The following PDLIM5 variants were observed in gnomAD, a reference collection of about 807,000 sequenced individuals.
The protein encoded by PDLIM5 is PDZ and LIM domain 5.
In PDLIM5, 34 loss-of-function variants were observed where a neutral mutation model predicts 64.2. The observed-to-expected ratio is 0.53, with a 90% CI of 0.40 to 0.71. The LOEUF (loss-of-function observed/expected upper bound fraction) is 0.71. Among genes scored for constraint, PDLIM5 ranks in the 30% least tolerant of loss-of-function variants. PDLIM5 has a pLI of 0.00. For synonymous variants in PDLIM5, 253 were observed against 269.1 expected, an observed-to-expected ratio of 0.94 and a Z score of 0.59; for missense variants, 683 against 733.6, an observed-to-expected ratio of 0.93 and a Z score of 0.80.
chr4:94,622,084 A>C (rs190194782), intron 8 of PDLIM5, among the ~76,000 whole-genome samples: 4 of 152,320 alleles, frequency 2.6e-5, no homozygotes, highest in Non-Finnish European at 5.9e-5. Flanking sequence ...AAAAATAAAA[A>C]CAAAATTCCC....
At chr4:94,628,461 T>C (rs1245220742) in intron 8 of PDLIM5, among the ~76,000 whole-genome samples, 5 of 152,200 alleles carry the variant, frequency 3.3e-5, no homozygotes, top group African/African-American at 1.2e-4. Context: ...AATTTTACAA[T>C]AACTTGTATT....
chr4:94,515,238 G>A (rs1729259783), intron 2 of PDLIM5, among the ~76,000 whole-genome samples: 1 of 152,132 alleles, frequency 6.6e-6, no homozygotes, highest in African/African-American at 2.4e-5. Context: ...GAGAGAAAGA[G>A]CCTTGCCTCT....
chr4:94,486,567 AGT>A (rs993539545), intron 2 of PDLIM5, among the ~76,000 whole-genome samples: 14 of 152,272 alleles, frequency 9.2e-5, no homozygotes, highest in African/African-American at 3.4e-4. Flanking sequence ...GACTCCTTGC[AGT>A]GCGGTCTAAG....
intron 2 of PDLIM5, among the ~76,000 whole-genome samples, chr4:94,510,342 T>C (rs1315130880): frequency 6.6e-6 from 1 of 152,196 alleles, no homozygotes; most frequent in Non-Finnish European, 1.5e-5. Context: ...AAGATCTGTG[T>C]AAATATTTGC....
At chr4:94,606,608 C>CACT (rs1737945480) in intron 7 of PDLIM5, among the ~76,000 whole-genome samples, 5 of 152,028 alleles carry the variant, frequency 3.3e-5, no homozygotes, top group Admixed American at 2.6e-4. Context: ...CCAAGATCAC[C>CACT]TAGAGCAGGG....
chr4:94,648,757 T>C (rs965568816), intron 9 of PDLIM5, among the ~76,000 whole-genome samples: 3 of 152,144 alleles, frequency 2.0e-5, no homozygotes, highest in Admixed American at 6.5e-5. Context: ...CAAATTCAGT[T>C]CCTTGCAGCT....
chr4:94,589,487 G>A (rs4634230), intron 7 of PDLIM5, among the ~76,000 whole-genome samples: 78,466 of 152,020 alleles, frequency 0.52, 20,630 homozygotes, highest in African/African-American at 0.57. Flanking sequence ...GACCCTGTCA[G>A]AAGATGAATT....
chr4:94,452,375 G>A (rs1722933549), intron 1 of PDLIM5, among the ~76,000 whole-genome samples: 1 of 152,174 alleles, frequency 6.6e-6, no homozygotes, highest in South Asian at 2.1e-4. Flanking sequence ...GGCGTCGCCC[G>A]GCACCACCGT....
chr4:94,580,913 G>A (rs540179666), intron 5 of PDLIM5, among the ~76,000 whole-genome samples: 1 of 152,214 alleles, frequency 6.6e-6, no homozygotes, highest in South Asian at 2.1e-4. Context: ...ATCAATTGAT[G>A]TGCATATATT....
At chr4:94,640,910 G>A (rs779136775) in intron 9 of PDLIM5, among the ~76,000 whole-genome samples, 1 of 152,150 alleles carries the variant, frequency 6.6e-6, no homozygotes, top group Non-Finnish European at 1.5e-5. Flanking sequence ...AGCACTGAAA[G>A]GTACCTTCAG....
chr4:94,533,037 C>T (rs1731032403), intron 3 of PDLIM5, among the ~76,000 whole-genome samples: 2 of 152,122 alleles, frequency 1.3e-5, no homozygotes, highest in South Asian at 4.1e-4. Context: ...ACTGTTTCGT[C>T]AACATCACGC....
chr4:94,524,845 G>C lies in PDLIM5; in HGVS notation c.248+970G>C, dbSNP rs144959894. On this transcript the variant is annotated intron_variant, in intron 3 of 12. Coordinates refer to ENST00000317968, the MANE Select transcript of PDLIM5 (RefSeq NM_006457.5). ...TTATGACTTACAAAGTTTGATCACT[G>C]TAGTATCCTGGGCTGAAGGCAAGGG... Among the ~76,000 whole-genome samples, 867 of 152,236 alleles carry C rather than the reference G, an allele frequency of 5.7e-3. 6 individuals are homozygous for C. Among genetic ancestry groups the C allele is most frequent in the African/African-American group, 0.019 (803 of 41,536 alleles).
intron 2 of PDLIM5, among the ~76,000 whole-genome samples, chr4:94,509,905 C>T (rs1728718262): frequency 6.6e-6 from 1 of 152,150 alleles, no homozygotes; most frequent in Admixed American, 6.5e-5. Flanking sequence ...AAATGTTAAT[C>T]TCCTTTGTCA....
intron 8 of PDLIM5, among the ~76,000 whole-genome samples, chr4:94,639,326 T>C (rs1408404921): frequency 6.6e-6 from 1 of 152,080 alleles, no homozygotes; most frequent in Admixed American, 6.5e-5. Flanking sequence ...AGGGGTCAAA[T>C]AGGGAGATCC....
chr4:94,473,614 A>G (rs1725071431), intron 2 of PDLIM5, among the ~76,000 whole-genome samples: 1 of 152,220 alleles, frequency 6.6e-6, no homozygotes, highest in Admixed American at 6.5e-5. Flanking sequence ...ATCCTGTGCT[A>G]TGGTTTGTTG....
intron 8 of PDLIM5, among the ~76,000 whole-genome samples, chr4:94,620,574 A>G (rs545085340): frequency 6.6e-6 from 1 of 152,160 alleles, no homozygotes; most frequent in South Asian, 2.1e-4. Context: ...TTCTTTTAAG[A>G]ATATTTTTGA....
At chr4:94,654,677 T>TA in intron 10 of PDLIM5, 37 bp downstream of exon 10, 2 of 1,314,024 alleles carry the variant, frequency 1.5e-6, no homozygotes, top group Non-Finnish European at 2.1e-6. Flanking sequence ...GAATGAGTTT[T>TA]AAAGTAGAAT....
intron 3 of PDLIM5, among the ~76,000 whole-genome samples, chr4:94,559,975 A>T (rs1371272205): frequency 6.6e-6 from 1 of 152,114 alleles, no homozygotes; most frequent in Non-Finnish European, 1.5e-5. Flanking sequence ...CTTTGTGGGG[A>T]TTAGGAGCAA....
chr4:94,492,767 C>G (rs1324008370), intron 2 of PDLIM5, among the ~76,000 whole-genome samples: 12 of 152,032 alleles, frequency 7.9e-5, no homozygotes, highest in Admixed American at 2.6e-4. Flanking sequence ...TTTATTCATT[C>G]ATCAGTTGGT....
Sources: allele counts gnomAD v4.1 joint callset (sites outside exome capture counted in the v4.1 genomes callset), GRCh38; gene constraint gnomAD v4.1.1; transcripts MANE v1.5; gene names NCBI Gene and HGNC (gene_info 2026-07-23, HGNC 2026-07-21).